The following CAMKMT variants were observed in gnomAD, a reference collection of about 807,000 sequenced individuals.
The protein encoded by CAMKMT is CaM KMT.
Under a neutral mutation model 48.0 loss-of-function variants are expected in CAMKMT, and 53 were observed. That is an observed-to-expected ratio of 1.10 (90% CI 0.89 to 1.39). CAMKMT has a LOEUF of 1.39. CAMKMT is among the 40% of genes most tolerant of loss of function. The pLI, the probability that CAMKMT is intolerant of heterozygous loss-of-function variation, is 0.00. For missense variants in CAMKMT, 428 were observed against 402.7 expected (o/e 1.06, Z -0.54); for synonymous variants, 165 against 152.3 (o/e 1.08, Z -0.61).
chr2:44,715,740 T>G (rs1264137545), intron 7 of CAMKMT, among the ~76,000 whole-genome samples: 5 of 152,152 alleles, frequency 3.3e-5, no homozygotes, highest in Non-Finnish European at 7.4e-5. Flanking sequence ...GATATTTTTT[T>G]TTGTTGTCAT....
chr2:44,403,655 C>G (rs2104454766), intron 3 of CAMKMT, among the ~76,000 whole-genome samples: 1 of 152,182 alleles, frequency 6.6e-6, no homozygotes, highest in African/African-American at 2.4e-5. Flanking sequence ...GAGAGGGAAG[C>G]TAATAGGTAG....
At chr2:44,624,912 C>A (rs1672395358) in intron 3 of CAMKMT, among the ~76,000 whole-genome samples, 1 of 152,194 alleles carries the variant, frequency 6.6e-6, no homozygotes, top group African/African-American at 2.4e-5. Context: ...CTGACTTCCA[C>A]AATGGTTGAA....
intron 3 of CAMKMT, among the ~76,000 whole-genome samples, chr2:44,692,629 TA>T (rs1419549728): frequency 1.3e-5 from 2 of 152,150 alleles, no homozygotes; most frequent in African/African-American, 2.4e-5. Flanking sequence ...AAATGAGGCT[TA>T]AAAAGTTTAA....
At chr2:44,732,616 C>T (rs1041987441) in intron 7 of CAMKMT, among the ~76,000 whole-genome samples, 3 of 152,212 alleles carry the variant, frequency 2.0e-5, no homozygotes, top group Non-Finnish European at 2.9e-5. Flanking sequence ...ACTATAGGCA[C>T]ATGTCACCAT....
intron 3 of CAMKMT, among the ~76,000 whole-genome samples, chr2:44,422,115 G>T (rs1029660509): frequency 6.6e-6 from 1 of 152,152 alleles, no homozygotes; most frequent in African/African-American, 2.4e-5. Flanking sequence ...AGTCATGGAG[G>T]TGGAGTCCTC....
chr2:44,747,103 G>C (rs1163131690), intron 8 of CAMKMT, among the ~76,000 whole-genome samples: 1 of 152,170 alleles, frequency 6.6e-6, no homozygotes, highest in Non-Finnish European at 1.5e-5. Flanking sequence ...CAGCACATCT[G>C]TGTGCCTGCA....
At chr2:44,494,412 C>T (rs1558655942) in intron 3 of CAMKMT, among the ~76,000 whole-genome samples, 2 of 152,000 alleles carry the variant, frequency 1.3e-5, no homozygotes, top group Non-Finnish European at 1.5e-5. Flanking sequence ...ACTTTTTTTC[C>T]CCCCTCTTCC....
At chr2:44,568,727 A>G (rs116330630) in intron 3 of CAMKMT, among the ~76,000 whole-genome samples, 1,793 of 152,256 alleles carry the variant, frequency 0.012, 44 homozygotes, top group African/African-American at 0.041. Flanking sequence ...CCTAAAACCA[A>G]TAGGAAGACA....
intron 1 of CAMKMT, among the ~76,000 whole-genome samples, chr2:44,367,642 TCC>T (rs1463044581): frequency 4.8e-5 from 7 of 144,600 alleles, no homozygotes; most frequent in African/African-American, 2.1e-4. Context: ...TATTGCACTC[TCC>T]TCTCTGGCAG....
At chr2:44,592,032 G>A (rs1055670429) in intron 3 of CAMKMT, among the ~76,000 whole-genome samples, 2 of 147,884 alleles carry the variant, frequency 1.4e-5, no homozygotes, top group Non-Finnish European at 3.0e-5. Context: ...ATGGACACAG[G>A]AAGGGGAACA....
intron 3 of CAMKMT, among the ~76,000 whole-genome samples, chr2:44,622,957 T>C (rs994996991): frequency 1.8e-4 from 27 of 152,320 alleles, no homozygotes; most frequent in African/African-American, 5.8e-4. Context: ...CCACCAACAG[T>C]GCATAAGCAT....
intron 3 of CAMKMT, among the ~76,000 whole-genome samples, chr2:44,669,166 T>A (rs558125824): frequency 6.6e-6 from 1 of 152,374 alleles, no homozygotes; most frequent in African/African-American, 2.4e-5. Flanking sequence ...TTGTTTTGCA[T>A]GTTTTGGACT....
At chr2:44,480,735 C>T (rs1668924229) in intron 3 of CAMKMT, among the ~76,000 whole-genome samples, 1 of 151,910 alleles carries the variant, frequency 6.6e-6, no homozygotes, top group Admixed American at 6.6e-5. Flanking sequence ...TAAACTGTTA[C>T]TCTTTTGGAG....
At chr2:44,689,994 G>T (rs995216136) in intron 3 of CAMKMT, among the ~76,000 whole-genome samples, 2 of 152,210 alleles carry the variant, frequency 1.3e-5, no homozygotes, top group Non-Finnish European at 2.9e-5. Context: ...TTCACATCTA[G>T]TTTATATAGG....
chr2:44,556,450 C>CTTTT (rs1176467214), intron 3 of CAMKMT, among the ~76,000 whole-genome samples: 592 of 50,304 alleles, frequency 0.012, no homozygotes, highest in East Asian at 0.046. Flanking sequence ...ATTTTTCTTT[C>CTTTT]TTTTTTTTTT....
chr2:44,392,293 C>A (rs934242431), intron 3 of CAMKMT, among the ~76,000 whole-genome samples: 4 of 151,916 alleles, frequency 2.6e-5, no homozygotes, highest in Non-Finnish European at 5.9e-5. Flanking sequence ...AAAAATAAGA[C>A]CTCTTAAAAT....
At chr2:44,515,753 A>T (rs1281942634) in intron 3 of CAMKMT, among the ~76,000 whole-genome samples, 1 of 152,214 alleles carries the variant, frequency 6.6e-6, no homozygotes, top group Non-Finnish European at 1.5e-5. Flanking sequence ...AGGTGAGAAG[A>T]CAAGTTAGGG....
At chr2:44,666,754 C>T (rs983079977) in intron 3 of CAMKMT, among the ~76,000 whole-genome samples, 34 of 152,198 alleles carry the variant, frequency 2.2e-4, no homozygotes, top group Admixed American at 1.0e-3. Context: ...GGAGTACAGG[C>T]GCGAGCCGCC....
At chr2:44,472,882 A>G (rs186852301) in intron 3 of CAMKMT, among the ~76,000 whole-genome samples, 1 of 152,126 alleles carries the variant, frequency 6.6e-6, no homozygotes, top group African/African-American at 2.4e-5. Context: ...ATCAAGTTGC[A>G]TTTTTTCTAG....
Sources: gnomAD v4.1 joint callset for allele counts (sites outside exome capture counted in the v4.1 genomes callset) on GRCh38, gnomAD v4.1.1 for gene constraint, MANE v1.5 for transcripts, NCBI Gene and HGNC (gene_info 2026-07-23, HGNC 2026-07-21) for gene names.